C2CD5: variants seen among roughly 807,000 people sequenced by gnomAD.
The protein encoded by C2CD5 is C2 calcium dependent domain containing 5, also known as C2 domain-containing protein 5.
Under a neutral mutation model 130.3 loss-of-function variants are expected in C2CD5, and 109 were observed. The observed-to-expected ratio is 0.84, with a 90% CI of 0.72 to 0.98. The LOEUF (loss-of-function observed/expected upper bound fraction) is 0.98, where lower values mean the gene tolerates loss of function less well. C2CD5 is among the 50% of genes least tolerant of loss of function. The pLI is 0.00. For synonymous variants in C2CD5, 454 were observed against 429.2 expected (o/e 1.06, Z -0.71); for missense variants, 996 against 1,261.8 (o/e 0.79, Z 3.19).
intron 9 of C2CD5, chr12:22,512,689 G>T: frequency 6.8e-7 from 1 of 1,459,946 alleles, no homozygotes; most frequent in Non-Finnish European, 9.0e-7. Context: ...CCTTAGCAAT[G>T]AAGTTTATTT....
intron 22 of C2CD5, among the ~76,000 whole-genome samples, chr12:22,462,371 T>C (rs934957447): frequency 6.6e-6 from 1 of 152,196 alleles, no homozygotes; most frequent in African/African-American, 2.4e-5. Context: ...ATAATTTGGT[T>C]TCCCACTTAA....
At chr12:22,498,307 A>C (rs1040047454) in intron 10 of C2CD5, among the ~76,000 whole-genome samples, 1 of 152,178 alleles carries the variant, frequency 6.6e-6, no homozygotes, top group Non-Finnish European at 1.5e-5. Context: ...TTATGTTTCC[A>C]GTACCCAACA....
chr12:22,469,593 G>A lies in C2CD5; in HGVS notation c.2533+116C>T, dbSNP rs1591976567. ...TTATGAATATGAAGAAACATATAAT[G>A]AGGGAATGAAGGATAAATTTTCACC... On this transcript the variant is annotated intron_variant, in intron 22 of 26. Coordinates refer to ENST00000446597, the MANE Select transcript of C2CD5 (RefSeq NM_001286176.2). 16 of 542,196 alleles carry A rather than the reference G, an allele frequency of 3.0e-5. 1 individual carries two copies. In the East Asian group the frequency reaches 5.2e-4, roughly 18 times the overall value. 33.6% of individuals were successfully genotyped at this position (542,196 alleles called of 1,614,324 possible). A position where few individuals can be genotyped will look rare whatever the true frequency, so the allele number is the denominator to read the frequency against.
At position 22,524,484 on chromosome 12, in the gene C2CD5, AAATGAGT is replaced by A. The variant is rs754402955; in HGVS notation, c.582_588del (p.Arg194SerfsTer3). ...TTTTTTTAAATACCTGACATTAACG[AAATGAGT>A]CTCTGTCTGGCCTCATTTGATGCCC... is the stretch of plus-strand genomic sequence containing the variant. On this transcript the variant is annotated frameshift_variant, in exon 6 of 27. Transcript: ENST00000446597. LOFTEE classifies it high-confidence loss of function. The A allele has an allele frequency of 3.1e-6, 5 of 1,613,482 alleles. No individual in the cohort carries two copies. Among genetic ancestry groups the A allele is most frequent in the Non-Finnish European group, 4.2e-6 (5 of 1,179,784 alleles).
intron 4 of C2CD5, 49 bp from the exon 5 acceptor site, chr12:22,525,754 A>G: frequency 3.5e-6 from 3 of 854,498 alleles, no homozygotes; most frequent in Admixed American, 4.1e-5. Flanking sequence ...AAAGTAATGT[A>G]CAATTAAATA....
At chr12:22,533,072 G>T (rs1044143584) in intron 3 of C2CD5, among the ~76,000 whole-genome samples, 2 of 152,168 alleles carry the variant, frequency 1.3e-5, no homozygotes, top group Non-Finnish European at 2.9e-5. Flanking sequence ...TCTGGGCGTT[G>T]AGGACATAGC....
intron 10 of C2CD5, chr12:22,497,715 T>C (rs1038794184): frequency 4.7e-6 from 1 of 214,902 alleles, no homozygotes; most frequent in Admixed American, 6.5e-5. Flanking sequence ...AAGAAGATTC[T>C]CATTATAGAG....
At chr12:22,481,686 A>C (rs1944735083) in intron 14 of C2CD5, among the ~76,000 whole-genome samples, 1 of 120,222 alleles carries the variant, frequency 8.3e-6, no homozygotes. Flanking sequence ...ACAGAGCCTC[A>C]CTCTGTCGCC....
chr12:22,485,330 G>C (rs561506253), intron 12 of C2CD5, among the ~76,000 whole-genome samples: 2 of 152,152 alleles, frequency 1.3e-5, no homozygotes, highest in African/African-American at 4.8e-5. Flanking sequence ...AGGCTGGAGG[G>C]AAGGTGGGGA....
chr12:22,487,234 A>C (rs1404388058), intron 12 of C2CD5, among the ~76,000 whole-genome samples: 2 of 152,230 alleles, frequency 1.3e-5, no homozygotes, highest in East Asian at 3.9e-4. Flanking sequence ...GAGCTTCTGC[A>C]CAGCAAAAGA....
chr12:22,463,393 A>C (rs527292363), intron 22 of C2CD5: 2 of 146,782 alleles, frequency 1.4e-5, no homozygotes, highest in East Asian at 3.9e-4. Context: ...TCTTGTCTCA[A>C]AAAAAAAAAA....
chr12:22,543,229 T>A (rs896258226), intron 2 of C2CD5, among the ~76,000 whole-genome samples: 1 of 152,258 alleles, frequency 6.6e-6, no homozygotes, highest in Non-Finnish European at 1.5e-5. Context: ...CCAATTTTTA[T>A]TACAATCTTT....
In C2CD5 at chr12:22,457,093, C is replaced by T; in HGVS notation, c.2755G>A (p.Ala919Thr). ...TTAACAACCCCAACTGTGGAATTTG[C>T]ACAAGGTGGAGCAGAACGATTCCGG... Reference protein sequence around the residue: ...NFRNRSAPPCANSTVGVVKMT... With the variant: ...NFRNRSAPPCTNSTVGVVKMT... The change falls in exon 25 of 27, where the codon GCA becomes ACA. Residue 919 changes from alanine to threonine, a missense_variant. Coordinates refer to ENST00000446597, the MANE Select transcript of C2CD5 (RefSeq NM_001286176.2). The T allele has an allele frequency of 3.1e-6, 5 of 1,613,066 alleles. No individual in the cohort carries two copies. Among genetic ancestry groups the T allele is most frequent in the Non-Finnish European group, 4.2e-6 (5 of 1,179,444 alleles).
rs754645433 is a variant in C2CD5 at position 22,517,976 on chromosome 12, A to T, written c.952+10T>A. 1.2e-5 allele frequency: 19 copies of T among 1,596,946 alleles called. No individual in the cohort carries two copies. Among genetic ancestry groups the T allele is most frequent in the Admixed American group, 1.7e-5 (1 of 57,536 alleles). On this transcript the variant is annotated intron_variant, in intron 8 of 26. Transcript: ENST00000446597. ...AAAGAAAAAATAAAAGGTGGGTGGA[A>T]GCGCCTTACCAGTTTTGGGTGTCAA...
chr12:22,534,469 A>C (rs930160375), intron 3 of C2CD5, among the ~76,000 whole-genome samples: 1 of 152,200 alleles, frequency 6.6e-6, no homozygotes, highest in Non-Finnish European at 1.5e-5. Flanking sequence ...ATATTTGCAA[A>C]TTATATATCT....
chr12:22,511,468 CA>C (rs1949185741), intron 9 of C2CD5, among the ~76,000 whole-genome samples: 1 of 152,162 alleles, frequency 6.6e-6, no homozygotes, highest in African/African-American at 2.4e-5. Context: ...GAAGTACTCT[CA>C]TAAACTTAAG....
rs1350650488 is a variant in C2CD5 at position 22,461,204 on chromosome 12, A to G, written c.2534-1662T>C. Among the ~76,000 whole-genome samples, 6 of 152,152 alleles carry G rather than the reference A, an allele frequency of 3.9e-5. No homozygotes were observed. The South Asian group carries it at 6.2e-4, about 16-fold the overall frequency. On this transcript the variant is annotated intron_variant, in intron 22 of 26. Coordinates refer to ENST00000446597, the MANE Select transcript of C2CD5 (RefSeq NM_001286176.2). ...GAGAGACTGGGACACCAACTGTCCT[A>G]CCCCTAACTTACATATCCCAAGAGA...
In C2CD5 at chr12:22,448,658, C is replaced by G. The variant is rs528862532; in HGVS notation, c.*1102G>C. ...AGAAAAATATTGACACCTGTGATAA[C>G]AAGGAAATGACTCTTAAGGGCAGTT... On this transcript the variant is annotated 3_prime_UTR_variant, in exon 27 of 27. Transcript: ENST00000446597. The G allele has an allele frequency of 2.0e-5, 3 of 152,152 alleles. No individual in the cohort carries two copies. The South Asian group carries it at 6.3e-4, about 32-fold the overall frequency. 9.4% of individuals were successfully genotyped at this position (152,152 alleles called of 1,614,324 possible). A position where few individuals can be genotyped will look rare whatever the true frequency, so the allele number is the denominator to read the frequency against.
chr12:22,515,438 A>G (rs73076676), intron 8 of C2CD5, among the ~76,000 whole-genome samples: 6,353 of 152,262 alleles, frequency 0.042, 170 homozygotes, highest in South Asian at 0.11. Flanking sequence ...CTTTTAATTA[A>G]TGTCTTCAAA....
Sources: gnomAD v4.1 joint callset for allele counts (sites outside exome capture counted in the v4.1 genomes callset) on GRCh38, gnomAD v4.1.1 for gene constraint, MANE v1.5 for transcripts, NCBI Gene and HGNC (gene_info 2026-07-23, HGNC 2026-07-21) for gene names.